Variants in CPSF3 observed in about 807,000 individuals in gnomAD.
CPSF3 encodes cleavage and polyadenylation specific factor 3, also known as cleavage and polyadenylation specificity factor subunit 3.
CPSF3 carries 57 observed loss-of-function variants against 84.1 expected under a neutral mutation model. The observed-to-expected ratio is 0.68, with a 90% CI of 0.55 to 0.85. The LOEUF (loss-of-function observed/expected upper bound fraction) is 0.85. Ranked by LOEUF, CPSF3 falls within the 40% of genes least tolerant of loss-of-function variation. The pLI is 0.00. For missense variants in CPSF3, 522 were observed against 838.8 expected (o/e 0.62, Z 4.66); for synonymous variants, 275 against 278.1 (o/e 0.99, Z 0.11).
chr2:9,424,096 T>G, intron 1 of CPSF3: 1 of 1,212,534 alleles, frequency 8.2e-7, no homozygotes, highest in Non-Finnish European at 1.0e-6. Flanking sequence ...GGGCCACCGC[T>G]CGCTTTCGTA....
At chr2:9,429,319 T>G (rs1680495666) in intron 2 of CPSF3, among the ~76,000 whole-genome samples, 1 of 152,262 alleles carries the variant, frequency 6.6e-6, no homozygotes, top group Non-Finnish European at 1.5e-5. Flanking sequence ...AAGGTACTCA[T>G]TAGAAAGTCA....
At chr2:9,444,156 A>ATTTTT (rs1455536114) in intron 10 of CPSF3, among the ~76,000 whole-genome samples, 1 of 134,876 alleles carries the variant, frequency 7.4e-6, no homozygotes, top group African/African-American at 3.1e-5. Flanking sequence ...ATATATATAT[A>ATTTTT]TATTTTTTTT....
At chr2:9,461,831 G>T (rs1413787967) in intron 15 of CPSF3, among the ~76,000 whole-genome samples, 1 of 147,458 alleles carries the variant, frequency 6.8e-6, no homozygotes. Context: ...GCACCATCTC[G>T]GCTCACTGCA....
rs1398466437 is a variant in CPSF3, at chr2:9,423,681, TCTTC to T, written c.-89_-86del. Reference sequence around the variant, plus strand: ...AAGTTGTGCTCTTGGTGAATGGGGTTCTTCCTTTTTTATTTACCGGTGGCTGTGC... The same window carrying T: ...AAGTTGTGCTCTTGGTGAATGGGGTTCTTTTTTATTTACCGGTGGCTGTGC... On this transcript the variant is annotated 5_prime_UTR_variant, in exon 1 of 18. The change abolishes the stop of an existing upstream ORF in the 5' untranslated region. Transcript: ENST00000238112. The T allele has an allele frequency of 6.7e-7, 1 of 1,502,072 alleles. No individual in the cohort carries two copies. Among genetic ancestry groups the T allele is most frequent in the African/African-American group, 1.4e-5 (1 of 71,912 alleles). The allele number at this position is 1,502,072 out of a possible 1,614,324, so 93.0% of individuals were successfully genotyped here. A position where few individuals can be genotyped will look rare whatever the true frequency, so the allele number is the denominator to read the frequency against.
chr2:9,466,488 C>T (rs1385341954), intron 15 of CPSF3, among the ~76,000 whole-genome samples: 6 of 152,158 alleles, frequency 3.9e-5, no homozygotes, highest in Non-Finnish European at 8.8e-5. Flanking sequence ...TCCCAGCTAC[C>T]TGGGAGGCTG....
intron 15 of CPSF3, among the ~76,000 whole-genome samples, chr2:9,459,898 T>C (rs1681678918): frequency 6.6e-6 from 1 of 151,964 alleles, no homozygotes; most frequent in Non-Finnish European, 1.5e-5. Flanking sequence ...TCCGCCCGCC[T>C]CAGCCTTCCA....
rs1185232510 is a variant in CPSF3 at position 9,429,980 on chromosome 2, T to A, written c.172T>A (p.Leu58Ile). 4.4e-6 allele frequency: 7 copies of A among 1,589,294 alleles called. No individual in the cohort carries two copies. Among genetic ancestry groups the A allele is most frequent in the Non-Finnish European group, 6.0e-6 (7 of 1,171,060 alleles). The change falls in exon 3 of 18, where the codon TTA becomes ATA. Residue 58 changes from leucine to isoleucine, a missense_variant. Around this residue, in one of 2 missense-constraint regions of CPSF3, gnomAD observed 329 missense variants for 607.2 expected, o/e 0.54. Transcript: ENST00000238112. ...AATGGATGCTCTTCCTTATATTGATTTAATTGACCCAGCTGAGATTGATCT... is the reference window on the plus strand; with the variant it reads ...AATGGATGCTCTTCCTTATATTGATATAATTGACCCAGCTGAGATTGATCT... ...EGMDALPYID[L>I]IDPAEIDLLL...
intron 8 of CPSF3, among the ~76,000 whole-genome samples, chr2:9,441,531 C>T (rs35836426): frequency 0.22 from 32,763 of 152,142 alleles, 4,555 homozygotes; most frequent in Middle Eastern, 0.32. Context: ...TGCCTGCCTG[C>T]TAGGCGCTGA....
chr2:9,444,518 G>A (rs756196782), intron 10 of CPSF3, among the ~76,000 whole-genome samples: 2 of 152,124 alleles, frequency 1.3e-5, no homozygotes, highest in Non-Finnish European at 2.9e-5. Flanking sequence ...TGAAAAAAGT[G>A]TGTATTTTTA....
At chr2:9,427,032 A>G (rs1431742871) in intron 1 of CPSF3, among the ~76,000 whole-genome samples, 1 of 152,222 alleles carries the variant, frequency 6.6e-6, no homozygotes, top group Non-Finnish European at 1.5e-5. Flanking sequence ...GGAAAGAATA[A>G]AGTGGGAACT....
chr2:9,425,369 T>C (rs1246950906), intron 1 of CPSF3, among the ~76,000 whole-genome samples: 1 of 152,204 alleles, frequency 6.6e-6, no homozygotes, highest in Non-Finnish European at 1.5e-5. Flanking sequence ...ATTGTGGGAA[T>C]TATGTTTTAG....
At chr2:9,462,055 G>C (rs1454035855) in intron 15 of CPSF3, among the ~76,000 whole-genome samples, 1 of 152,072 alleles carries the variant, frequency 6.6e-6, no homozygotes, top group East Asian at 1.9e-4. Context: ...CCACCGTGCC[G>C]GGCCTAGGAG....
chr2:9,430,930 A>G (rs749185528), intron 4 of CPSF3, 50 bp downstream of exon 4: 62 of 1,408,396 alleles, frequency 4.4e-5, no homozygotes, highest in Non-Finnish European at 6.1e-5. Context: ...TATGGCATGT[A>G]TGGTTCAAGA....
Position 9,456,936 on chromosome 2 carries a change from A to T in CPSF3, c.1607A>T (p.Asp536Val), listed in dbSNP as rs1363382458. The T allele has an allele frequency of 1.3e-6, 2 of 1,562,326 alleles. No homozygotes were observed. The highest frequency in any genetic ancestry group is 2.2e-5 in the East Asian group (1 of 44,520). Residue 536 changes from aspartate (D) to valine (V), a missense_variant, in exon 14 of 18, where the codon GAT becomes GTT. Coordinates refer to ENST00000238112, the MANE Select transcript of CPSF3 (RefSeq NM_016207.4). ...TATAGTTATGTCTTTCTTTCAGGTG[A>T]TGTGGAAGAATTAGAAATTCAAGAA... is the stretch of plus-strand genomic sequence containing the variant. ...LCYQLQKLTGDVEELEIQEKP... is the reference protein window; with the variant it reads ...LCYQLQKLTGVVEELEIQEKP...
At chr2:9,466,366 A>ACTCGCACACACGCG (rs1558466627) in intron 15 of CPSF3, among the ~76,000 whole-genome samples, 20 of 146,378 alleles carry the variant, frequency 1.4e-4, no homozygotes, top group African/African-American at 5.0e-4. Flanking sequence ...ACACACACGC[A>ACTCGCACACACGCG]CACACCCACG....
chr2:9,434,460 G>A (rs1039628773), intron 6 of CPSF3, among the ~76,000 whole-genome samples: 16 of 152,136 alleles, frequency 1.1e-4, no homozygotes, highest in African/African-American at 3.9e-4. Context: ...TAATATCAGA[G>A]ATGCCAGGCT....
chr2:9,469,833 A>T (rs1682103487), intron 16 of CPSF3, among the ~76,000 whole-genome samples: 1 of 152,202 alleles, frequency 6.6e-6, no homozygotes. Flanking sequence ...GAGTAGATGT[A>T]TTGGTTTCTT....
chr2:9,452,909 A>G lies in CPSF3; in HGVS notation c.1396-4A>G, dbSNP rs750197874. On this transcript the variant is annotated splice_polypyrimidine_tract_variant and splice_region_variant and intron_variant, in intron 11 of 17. Coordinates refer to ENST00000238112, the MANE Select transcript of CPSF3 (RefSeq NM_016207.4). Reference sequence around the variant, plus strand: ...TATTTTCTTCAAGTATTTTTTTTTTACAGGTTATGGGATTTTTAGCAGACA... The same window carrying G: ...TATTTTCTTCAAGTATTTTTTTTTTGCAGGTTATGGGATTTTTAGCAGACA... 6.4e-6 allele frequency: 10 copies of G among 1,568,548 alleles called. No homozygotes were observed. Among genetic ancestry groups the G allele is most frequent in the Admixed American group, 2.1e-5 (1 of 48,178 alleles).
chr2:9,450,147 AT>A (rs750560891), intron 11 of CPSF3, among the ~76,000 whole-genome samples: 7,017 of 122,662 alleles, frequency 0.057, 186 homozygotes, highest in African/African-American at 0.083. Flanking sequence ...ACAGGCACAA[AT>A]TTTTTTTTTT....
Sources: gnomAD v4.1 joint callset for allele counts (sites outside exome capture counted in the v4.1 genomes callset) on GRCh38, gnomAD v4.1.1 for gene constraint, gnomAD v4.1.1 regional missense constraint, MANE v1.5 for transcripts, NCBI Gene and HGNC (gene_info 2026-07-23, HGNC 2026-07-21) for gene names.